Variants in GAS7 observed in about 807,000 individuals in gnomAD.
GAS7 encodes growth arrest-specific protein 7.
Under a neutral mutation model 71.1 loss-of-function variants are expected in GAS7, and 28 were observed. That is an observed-to-expected ratio of 0.39 (90% confidence interval 0.29 to 0.54). The LOEUF (loss-of-function observed/expected upper bound fraction) is 0.54, where lower values mean the gene tolerates loss of function less well. Among genes scored for constraint, GAS7 ranks in the 20% least tolerant of loss-of-function variants. The pLI, the probability that GAS7 is intolerant of heterozygous loss-of-function variation, is 0.62. For synonymous variants in GAS7, 258 were observed against 245.8 expected (o/e 1.05, Z -0.46); for missense variants, 436 against 627.8 (o/e 0.69, Z 3.27).
intron 7 of GAS7, among the ~76,000 whole-genome samples, chr17:9,942,723 G>T (rs1009672609): frequency 6.6e-6 from 1 of 152,104 alleles, no homozygotes. Context: ...GTCTGCGGGG[G>T]AAGACAGTAC....
chr17:10,160,936 C>CCACACACACACACA (rs1047217599), intron 1 of GAS7, among the ~76,000 whole-genome samples: 13 of 93,662 alleles, frequency 1.4e-4, no homozygotes, highest in African/African-American at 5.1e-4. Context: ...GAAATTGAAA[C>CCACACACACACACA]CATACACACA....
chr17:10,197,182 G>A (rs1303726339), intron 1 of GAS7, among the ~76,000 whole-genome samples: 2 of 151,852 alleles, frequency 1.3e-5, no homozygotes, highest in Admixed American at 1.3e-4. Flanking sequence ...CCCCGCCCCC[G>A]ATGAATTGCA....
chr17:10,125,933 A>G (rs1017645694), intron 1 of GAS7, among the ~76,000 whole-genome samples: 39 of 152,298 alleles, frequency 2.6e-4, no homozygotes, highest in African/African-American at 9.4e-4. Flanking sequence ...TGGAATCAGC[A>G]GAGCCAGAGA....
intron 1 of GAS7, among the ~76,000 whole-genome samples, chr17:10,128,624 C>A (rs1023968503): frequency 6.6e-6 from 1 of 150,376 alleles, no homozygotes; most frequent in African/African-American, 2.4e-5. Flanking sequence ...TTTGCTTTTT[C>A]TTTTCTCTTT....
At chr17:10,005,681 G>A (rs896697128) in intron 2 of GAS7, among the ~76,000 whole-genome samples, 2 of 152,126 alleles carry the variant, frequency 1.3e-5, no homozygotes, top group African/African-American at 4.8e-5. Flanking sequence ...TAAGCACTGT[G>A]TTCACAGAAT....
chr17:10,070,520 T>C (rs1298564786), intron 1 of GAS7, among the ~76,000 whole-genome samples: 1 of 151,900 alleles, frequency 6.6e-6, no homozygotes, highest in East Asian at 1.9e-4. Context: ...TGCGCCACCA[T>C]GCCTCGCTAA....
intron 1 of GAS7, among the ~76,000 whole-genome samples, chr17:10,106,714 G>A (rs769750009): frequency 3.4e-4 from 51 of 151,966 alleles, no homozygotes; most frequent in Non-Finnish European, 6.8e-4. Context: ...GGCGAATAAC[G>A]TCCTCTCACA....
At chr17:10,154,104 A>C (rs559431758) in intron 1 of GAS7, among the ~76,000 whole-genome samples, 5 of 152,218 alleles carry the variant, frequency 3.3e-5, no homozygotes, top group African/African-American at 1.2e-4. Context: ...AAGGAAAGTA[A>C]AAATATGCTG....
chr17:10,135,786 G>C (rs1406143183), intron 1 of GAS7, among the ~76,000 whole-genome samples: 1 of 152,176 alleles, frequency 6.6e-6, no homozygotes, highest in Admixed American at 6.5e-5. Flanking sequence ...ACCAGCAAAG[G>C]AGGATGTTTT....
intron 1 of GAS7, among the ~76,000 whole-genome samples, chr17:10,163,441 TAAA>T (rs879517796): frequency 7.4e-6 from 1 of 135,062 alleles, no homozygotes. Context: ...ATTTTTAATT[TAAA>T]AAAAAAAAAA....
At chr17:10,192,354 G>C (rs1249024860) in intron 1 of GAS7, among the ~76,000 whole-genome samples, 1 of 152,204 alleles carries the variant, frequency 6.6e-6, no homozygotes, top group Non-Finnish European at 1.5e-5. Context: ...TAATAAGACA[G>C]CACAGTCCCC....
intron 1 of GAS7, among the ~76,000 whole-genome samples, chr17:10,041,792 G>A (rs543611986): frequency 3.5e-4 from 54 of 152,246 alleles, no homozygotes; most frequent in African/African-American, 1.2e-3. Flanking sequence ...CCACACACAC[G>A]AACGGCAGAC....
chr17:10,031,361 G>A (rs2072612520), intron 1 of GAS7, among the ~76,000 whole-genome samples: 1 of 152,232 alleles, frequency 6.6e-6, no homozygotes, highest in African/African-American at 2.4e-5. Flanking sequence ...CTGCAGCAAG[G>A]ATACAGGAAG....
At chr17:10,139,464 C>T (rs1315920038) in intron 1 of GAS7, among the ~76,000 whole-genome samples, 1 of 152,186 alleles carries the variant, frequency 6.6e-6, no homozygotes, top group African/African-American at 2.4e-5. Context: ...GTGAGATACT[C>T]AACATTCTTA....
rs2072461561 is a variant in GAS7, at chr17:10,026,316, GCCCCACACCCCCACTCC to G, written c.184-6436_184-6420del. 3.0e-6 allele frequency: 3 copies of G among 984,126 alleles called. No homozygotes were observed. The highest frequency in any genetic ancestry group is 4.7e-5 in the South Asian group (1 of 21,256). The allele number at this position is 984,126 out of a possible 1,614,324, so 61.0% of individuals were successfully genotyped here. ...CTCTAAAGAAAAGCATATCCACAGG[GCCCCACACCCCCACTCC>G]CCCCACACCCAGATCTATATATAAC... On this transcript the variant is annotated intron_variant, in intron 1 of 13. Transcript: ENST00000432992. This position sits in a 1 kb window ranked among gnomAD's most constrained non-coding sequence, Gnocchi z 4.5.
intron 5 of GAS7, among the ~76,000 whole-genome samples, chr17:9,948,451 G>A (rs1002307863): frequency 6.6e-6 from 1 of 152,184 alleles, no homozygotes; most frequent in African/African-American, 2.4e-5. Flanking sequence ...TTGGGAGGCC[G>A]AGGCAGGTGG....
chr17:10,056,834 T>G (rs2073145257), intron 1 of GAS7, among the ~76,000 whole-genome samples: 1 of 152,080 alleles, frequency 6.6e-6, no homozygotes, highest in Non-Finnish European at 1.5e-5. Context: ...CTCCCTCTGA[T>G]GCCGAGCCGA....
intron 1 of GAS7, among the ~76,000 whole-genome samples, chr17:10,105,605 T>C (rs1254589799): frequency 6.6e-6 from 1 of 152,158 alleles, no homozygotes; most frequent in Non-Finnish European, 1.5e-5. Context: ...TTCCCCTCCC[T>C]GTGGCCAGCT....
chr17:10,074,512 C>G (rs972935731), intron 1 of GAS7, among the ~76,000 whole-genome samples: 1 of 152,164 alleles, frequency 6.6e-6, no homozygotes, highest in African/African-American at 2.4e-5. Context: ...TATTTTCCCC[C>G]AAGTTCTGGA....
Sources: gnomAD v4.1 joint callset for allele counts (sites outside exome capture counted in the v4.1 genomes callset) on GRCh38, gnomAD v4.1.1 for gene constraint, Gnocchi (gnomAD v3.1) non-coding constraint, MANE v1.5 for transcripts, NCBI Gene and HGNC (gene_info 2026-07-23, HGNC 2026-07-21) for gene names.